The following C1QTNF12 variants were observed in gnomAD, a reference collection of about 807,000 sequenced individuals.
The protein encoded by C1QTNF12 is adipolin.
C1QTNF12 carries 39 observed loss-of-function variants against 34.3 expected under a neutral mutation model. That is an observed-to-expected ratio of 1.14 (90% CI 0.88 to 1.49). The LOEUF (loss-of-function observed/expected upper bound fraction) is 1.49, where lower values mean the gene tolerates loss of function less well. Ranked by LOEUF, C1QTNF12 falls within the 40% of genes most tolerant of loss-of-function variation. The pLI is 0.00. For missense variants in C1QTNF12, 497 were observed against 424.7 expected (o/e 1.17, Z -1.50); for synonymous variants, 220 against 196.9 (o/e 1.12, Z -0.98).
chr1:1,243,862 G>C, intron 4 of C1QTNF12, 92 bp downstream of exon 4: 1 of 1,083,238 alleles, frequency 9.2e-7, no homozygotes. Flanking sequence ...CAACCCACAT[G>C]CTGCCCCATG....
At chr1:1,244,348 C>T in intron 2 of C1QTNF12, 33 bp downstream of exon 2, 2 of 1,604,338 alleles carry the variant, frequency 1.2e-6, no homozygotes, top group South Asian at 2.2e-5. Context: ...CTGTCCGGGG[C>T]TCAGACCCTG....
At chr1:1,246,716 CGGCGAGTCT>C in exon 1 of C1QTNF12, 1 of 1,214,996 alleles carries the variant, frequency 8.2e-7, no homozygotes. The surrounding 1 kb of genome is among the most constrained non-coding windows in gnomAD (Gnocchi z 4.5). Flanking sequence ...CGGCTCAGCG[CGGCGAGTCT>C]CGGCGCCAGG....
chr1:1,244,630 T>C (rs1025313525), intron 1 of C1QTNF12, 133 bp from the exon 2 acceptor site: 9 of 708,338 alleles, frequency 1.3e-5, no homozygotes, highest in Admixed American at 4.6e-5. Flanking sequence ...ACGGCCGCCC[T>C]TGGGGGAGTC....
In C1QTNF12 at chr1:1,243,267, G is replaced by A. The variant is rs561414762; in HGVS notation, c.641-115C>T. ...CCCAGGAGTGGCTGCTGGGGCTGGGGAGGGGGCGCCTGAGGCCAGGCGTGC... is the reference window on the plus strand; with the variant it reads ...CCCAGGAGTGGCTGCTGGGGCTGGGAAGGGGGCGCCTGAGGCCAGGCGTGC... On this transcript the variant is annotated intron_variant, in intron 5 of 7. Transcript: ENST00000330388. 673 of 1,046,264 alleles carry A rather than the reference G, an allele frequency of 6.4e-4. 3 individuals are homozygous for A. The highest frequency in any genetic ancestry group is 3.7e-3 in the Middle Eastern group (12 of 3,242). 64.8% of individuals were successfully genotyped at this position (1,046,264 alleles called of 1,614,324 possible).
In C1QTNF12 at chr1:1,242,556, C is replaced by G. The variant is rs771562003; in HGVS notation, c.901G>C (p.Gly301Arg). Residue 301 changes from glycine to arginine, a missense_variant, in exon 8 of 8, where the codon GGC becomes CGC. Physicochemically the swap from Gly to Arg is moderately radical, Grantham distance 125 (BLOSUM62 -2). Transcript: ENST00000330388. ...AGSSFSGLLLGT is the reference protein window; with the variant it reads ...AGSSFSGLLLRT ...AGCCCCCCTGGGCGCCCTCACGTGC[C>G]CAGGAGCAGCCCGGAGAAGCTGGAG... 6.4e-7 allele frequency: 1 copy of G among 1,567,632 alleles called. No individual in the cohort carries two copies. The highest frequency in any genetic ancestry group is 8.6e-7 in the Non-Finnish European group (1 of 1,156,246).
chr1:1,242,868 G>A lies in C1QTNF12; in HGVS notation c.777C>T (p.Phe259=). Residue 259 remains phenylalanine, a synonymous_variant, in exon 7 of 8, where the codon TTC becomes TTT. Transcript: ENST00000330388. ...GCAGCAGCCCCTGCACCTGTAGCGTGAAGACCCTGCTGTTGCTCTCCAGGC... is the reference window on the plus strand; with the variant it reads ...GCAGCAGCCCCTGCACCTGTAGCGTAAAGACCCTGCTGTTGCTCTCCAGGC... ...VSGLESNSRV[F]TLQVQGLLQL... The A allele has an allele frequency of 6.2e-7, 1 of 1,612,432 alleles. No individual in the cohort carries two copies. The highest frequency in any genetic ancestry group is 8.5e-7 in the Non-Finnish European group (1 of 1,179,776).
At chr1:1,243,020 G>A (rs1638779384) in intron 6 of C1QTNF12, 42 bp downstream of exon 6, 1 of 1,556,460 alleles carries the variant, frequency 6.4e-7, no homozygotes, top group Admixed American at 1.9e-5. Context: ...TCCAAGGGTG[G>A]TCCGGGGGCT....
rs773609972 is a variant in C1QTNF12, at chr1:1,242,929, C to T, written c.732-16G>A. 5.6e-6 allele frequency: 9 copies of T among 1,610,986 alleles called. No individual in the cohort carries two copies. Among genetic ancestry groups the T allele is most frequent in the Admixed American group, 1.7e-5 (1 of 59,876 alleles). ...CTCCAGGCACCTGAACACAGCCCCA[C>T]AGGGCAAGAGGGAGGCGTTGCAGGT... On this transcript the variant is annotated splice_polypyrimidine_tract_variant and intron_variant, in intron 6 of 7. Coordinates refer to ENST00000330388, the MANE Select transcript of C1QTNF12 (RefSeq NM_001014980.3).
rs1242221757 is a variant in C1QTNF12, at chr1:1,242,878, C to A, written c.767G>T (p.Ser256Ile). ...LEAVSGLESN[S>I]RVFTLQVQGL... ...CTGCACCTGTAGCGTGAAGACCCTG[C>A]TGTTGCTCTCCAGGCCTGAGACGGC... Residue 256 changes from serine (S) to isoleucine (I), a missense_variant, in exon 7 of 8, where the codon AGC (serine) becomes ATC (isoleucine). Ser to Ile is a moderately radical substitution (Grantham distance 142). Coordinates refer to ENST00000330388, the MANE Select transcript of C1QTNF12 (RefSeq NM_001014980.3). 1 of 1,612,486 alleles carries A rather than the reference C, an allele frequency of 6.2e-7. No homozygotes were observed. Among genetic ancestry groups the A allele is most frequent in the African/African-American group, 1.3e-5 (1 of 75,038 alleles).
intron 5 of C1QTNF12, 145 bp downstream of exon 5, chr1:1,243,299 G>A (rs1259258744): frequency 8.1e-6 from 8 of 992,066 alleles, no homozygotes; most frequent in African/African-American, 3.3e-5. Context: ...GTGCAGCAGG[G>A]ACCCCATGCC....
At chr1:1,244,527 G>A (rs1241953987) in intron 1 of C1QTNF12, 30 bp from the exon 2 acceptor site, 3 of 1,513,054 alleles carry the variant, frequency 2.0e-6, no homozygotes, top group African/African-American at 2.7e-5. Flanking sequence ...CTAGCGCACT[G>A]AGGCTGCACC....
chr1:1,243,840 GC>G, intron 4 of C1QTNF12, 113 bp downstream of exon 4: 2 of 508,058 alleles, frequency 3.9e-6, no homozygotes, highest in Non-Finnish European at 3.3e-6. Context: ...TCCGAGCCCC[GC>G]CCCCAGCCCC....
chr1:1,245,436 G>A (rs546233413), intron 1 of C1QTNF12, among the ~76,000 whole-genome samples: 38 of 150,266 alleles, frequency 2.5e-4, no homozygotes, highest in African/African-American at 9.1e-4. Context: ...CAGGAGAACC[G>A]CCCAACCCTG....
chr1:1,244,513 G>A lies in C1QTNF12; in HGVS notation c.178-16C>T, dbSNP rs572845367. On this transcript the variant is annotated splice_polypyrimidine_tract_variant and intron_variant, in intron 1 of 7. Coordinates refer to ENST00000330388, the MANE Select transcript of C1QTNF12 (RefSeq NM_001014980.3). ...CCTGGGATGGCTGAAGGGACGGGAC[G>A]GGGCTAGCGCACTGAGGCTGCACCC... The A allele has an allele frequency of 4.5e-5, 71 of 1,578,888 alleles. No individual in the cohort carries two copies. Among genetic ancestry groups the A allele is most frequent in the South Asian group, 1.4e-4 (13 of 90,408 alleles).
At chr1:1,244,714 C>T (rs1638836796) in intron 1 of C1QTNF12, 3 of 549,196 alleles carry the variant, frequency 5.5e-6, no homozygotes, top group South Asian at 4.8e-5. Flanking sequence ...GAGCCTGATG[C>T]CCTGAGCCCC....
At chr1:1,244,561 G>T in intron 1 of C1QTNF12, 64 bp from the exon 2 acceptor site, 1 of 1,243,050 alleles carries the variant, frequency 8.0e-7, no homozygotes, top group Non-Finnish European at 1.2e-6. Flanking sequence ...GGACCCCAGG[G>T]CAGCGGGGAG....
At chr1:1,247,050 G>A (rs1377277143), upstream of C1QTNF12, among the ~76,000 whole-genome samples, 2 of 152,026 alleles carry the variant, frequency 1.3e-5, no homozygotes, top group African/African-American at 4.8e-5. Context: ...GAGACGGGGC[G>A]GAGACCCCCA....
intron 4 of C1QTNF12, 51 bp from the exon 5 acceptor site, chr1:1,243,603 A>C (rs1450045405): frequency 6.9e-7 from 1 of 1,447,534 alleles, no homozygotes; most frequent in Non-Finnish European, 9.5e-7. Context: ...CCCCCACCCC[A>C]CAGACCCCGC....
In C1QTNF12 at chr1:1,244,511, A is replaced by T. The variant is rs552698704; in HGVS notation, c.178-14T>A. 1 of 1,586,968 alleles carries T rather than the reference A, an allele frequency of 6.3e-7. No individual in the cohort carries two copies. The highest frequency in any genetic ancestry group is 1.1e-5 in the South Asian group (1 of 90,592). ...GGCCTGGGATGGCTGAAGGGACGGG[A>T]CGGGGCTAGCGCACTGAGGCTGCAC... On this transcript the variant is annotated splice_polypyrimidine_tract_variant and intron_variant, in intron 1 of 7. Coordinates refer to ENST00000330388, the MANE Select transcript of C1QTNF12 (RefSeq NM_001014980.3).
Sources: gnomAD v4.1 joint callset for allele counts (sites outside exome capture counted in the v4.1 genomes callset) on GRCh38, gnomAD v4.1.1 for gene constraint, Gnocchi (gnomAD v3.1) non-coding constraint, MANE v1.5 for transcripts, NCBI Gene and HGNC (gene_info 2026-07-23, HGNC 2026-07-21) for gene names.